The following GABRA3 variants were observed in gnomAD, a reference collection of about 807,000 sequenced individuals.
The protein encoded by GABRA3 is gamma-aminobutyric acid receptor subunit alpha-3.
Under a neutral mutation model 30.1 loss-of-function variants are expected in GABRA3, and 10 were observed. That is an observed-to-expected ratio of 0.33 (90% CI 0.20 to 0.56). The LOEUF is 0.56. GABRA3 is among the 20% of genes least tolerant of loss of function. GABRA3 has a pLI of 0.89. For synonymous variants in GABRA3, 151 were observed against 146.8 expected, an observed-to-expected ratio of 1.03 and a Z score of -0.21; for missense variants, 233 against 392.0, an observed-to-expected ratio of 0.59 and a Z score of 3.42.
intron 1 of GABRA3, among the ~76,000 whole-genome samples, chrX:152,446,702 C>G (rs1023247839): frequency 3.0e-4 from 33 of 111,562 alleles, no homozygotes; most frequent in Admixed American, 1.6e-3. Flanking sequence ...GTGCTCAGTA[C>G]CTTTTACTGG....
rs1345966083 is a variant in GABRA3 at position 152,375,945 on chromosome X, C to T, written c.-26-11349G>A. On this transcript the variant is annotated intron_variant, in intron 1 of 9. Transcript: ENST00000370314. ...TAATTATTAATGCCTCATTCATATCCCCTTGGATCTCTTCACCAGTTTCAC... is the reference window on the plus strand; with the variant it reads ...TAATTATTAATGCCTCATTCATATCTCCTTGGATCTCTTCACCAGTTTCAC... 3.6e-5 allele frequency among the ~76,000 whole-genome samples: 4 copies of T among 111,646 alleles called. No homozygotes were observed. In the Admixed American group the frequency reaches 3.8e-4, roughly 11 times the overall value.
At chrX:152,193,962 A>G (rs995941841) in intron 8 of GABRA3, among the ~76,000 whole-genome samples, 2 of 111,928 alleles carry the variant, frequency 1.8e-5, no homozygotes, top group African/African-American at 6.5e-5. Context: ...GCACCACTGC[A>G]CTCCAGCCTG....
chrX:152,399,694 G>A (rs1030059195), intron 1 of GABRA3, among the ~76,000 whole-genome samples: 1 of 111,924 alleles, frequency 8.9e-6, no homozygotes, highest in Non-Finnish European at 1.9e-5. Context: ...ATTAGAGAGA[G>A]CTTTCTGATT....
intron 1 of GABRA3, among the ~76,000 whole-genome samples, chrX:152,382,825 C>T (rs959593352): frequency 1.8e-5 from 2 of 111,410 alleles, no homozygotes; most frequent in African/African-American, 6.5e-5. Context: ...AATCAAAGGA[C>T]CATAAACATA....
intron 2 of GABRA3, among the ~76,000 whole-genome samples, chrX:152,348,873 G>T (rs1175097954): frequency 1.8e-5 from 2 of 112,213 alleles, no homozygotes; most frequent in Non-Finnish European, 3.8e-5. Context: ...GCTGGTGGAA[G>T]GTTTTGCCTC....
intron 3 of GABRA3, among the ~76,000 whole-genome samples, chrX:152,338,125 C>T (rs1044753126): frequency 9.0e-6 from 1 of 111,678 alleles, no homozygotes; most frequent in Non-Finnish European, 1.9e-5. Context: ...TGCATAGTGC[C>T]CATACTGATT....
At chrX:152,218,281 A>T (rs1381742701) in intron 6 of GABRA3, among the ~76,000 whole-genome samples, 1 of 110,525 alleles carries the variant, frequency 9.0e-6, no homozygotes, top group East Asian at 2.9e-4. Context: ...AATTTTGCGA[A>T]CTTCCTTTTC....
At chrX:152,239,858 T>C (rs1938319940) in intron 5 of GABRA3, among the ~76,000 whole-genome samples, 1 of 103,276 alleles carries the variant, frequency 9.7e-6, no homozygotes, top group Non-Finnish European at 1.9e-5. Context: ...TAGATCTTCC[T>C]CCATCCTTTT....
At chrX:152,403,569 C>CGTGTGTGT (rs35576596) in intron 1 of GABRA3, among the ~76,000 whole-genome samples, 5 of 100,785 alleles carry the variant, frequency 5.0e-5, no homozygotes, top group South Asian at 4.9e-4. Context: ...TATGTGCACA[C>CGTGTGTGT]GTGTGTGTGT....
chrX:152,200,231 C>T (rs769417049), intron 7 of GABRA3, among the ~76,000 whole-genome samples: 168 of 111,698 alleles, frequency 1.5e-3, no homozygotes, highest in African/African-American at 5.1e-3. Context: ...TCTTATTTTT[C>T]ACCTCTCTTC....
chrX:152,309,205 G>T (rs193291938), intron 3 of GABRA3, among the ~76,000 whole-genome samples: 209 of 111,713 alleles, frequency 1.9e-3, no homozygotes, highest in African/African-American at 6.3e-3. Flanking sequence ...AATCAACTTG[G>T]AAAATATATT....
At chrX:152,235,127 G>C (rs1938172263) in intron 5 of GABRA3, among the ~76,000 whole-genome samples, 1 of 111,541 alleles carries the variant, frequency 9.0e-6, no homozygotes. Flanking sequence ...CCATTTCTTT[G>C]TGTCATTTAC....
intron 4 of GABRA3, among the ~76,000 whole-genome samples, chrX:152,278,606 T>C (rs1300000657): frequency 9.0e-6 from 1 of 111,569 alleles, no homozygotes; most frequent in Admixed American, 9.6e-5. Context: ...ATGATGTATA[T>C]TCCTTTGGGT....
intron 1 of GABRA3, among the ~76,000 whole-genome samples, chrX:152,437,406 G>A (rs1302026012): frequency 2.7e-5 from 3 of 111,809 alleles, no homozygotes; most frequent in East Asian, 2.8e-4. Flanking sequence ...TGAATAGGAA[G>A]ACTCAGTATT....
At chrX:152,435,709 A>G (rs1930762804) in intron 1 of GABRA3, among the ~76,000 whole-genome samples, 1 of 111,011 alleles carries the variant, frequency 9.0e-6, no homozygotes, top group Admixed American at 9.6e-5. Context: ...AAACCTGCAC[A>G]TTCTGCACAT....
intron 3 of GABRA3, among the ~76,000 whole-genome samples, chrX:152,313,976 A>C (rs1306978339): frequency 9.0e-6 from 1 of 111,422 alleles, no homozygotes; most frequent in African/African-American, 3.3e-5. Flanking sequence ...CCAGCAGGGA[A>C]CACAGGACCA....
intron 5 of GABRA3, among the ~76,000 whole-genome samples, chrX:152,242,251 C>A (rs1382905423): frequency 9.0e-6 from 1 of 111,062 alleles, no homozygotes; most frequent in Non-Finnish European, 1.9e-5. Context: ...AATTGGACCC[C>A]ATTTACACCA....
chrX:152,415,938 T>A (rs1001212681), intron 1 of GABRA3, among the ~76,000 whole-genome samples: 2 of 109,961 alleles, frequency 1.8e-5, no homozygotes, highest in Non-Finnish European at 3.8e-5. Context: ...TCAGATGCAA[T>A]CTATGTACTG....
intron 9 of GABRA3, among the ~76,000 whole-genome samples, chrX:152,179,405 T>A (rs751207703): frequency 9.0e-6 from 1 of 110,986 alleles, no homozygotes; most frequent in East Asian, 2.8e-4. Context: ...TATTCTTCTC[T>A]AAGTAAAATT....
Sources: gnomAD v4.1 joint callset for allele counts (sites outside exome capture counted in the v4.1 genomes callset) on GRCh38, gnomAD v4.1.1 for gene constraint, MANE v1.5 for transcripts, NCBI Gene and HGNC (gene_info 2026-07-23, HGNC 2026-07-21) for gene names.